FAM227A: variants seen among roughly 807,000 people sequenced by gnomAD.
FAM227A encodes family with sequence similarity 227 member A.
FAM227A carries 80 observed loss-of-function variants against 74.7 expected under a neutral mutation model. That is an observed-to-expected ratio of 1.07 (90% CI 0.89 to 1.29). The LOEUF (loss-of-function observed/expected upper bound fraction) is 1.29, where lower values mean the gene tolerates loss of function less well. Ranked by LOEUF, FAM227A falls within the 50% of genes most tolerant of loss-of-function variation. The pLI, the probability that FAM227A is intolerant of heterozygous loss-of-function variation, is 0.00. For missense variants in FAM227A, 654 were observed against 683.4 expected (o/e 0.96, Z 0.48); for synonymous variants, 237 against 241.8 (o/e 0.98, Z 0.19).
chr22:38,629,152 G>A, intron 6 of FAM227A: 1 of 478,474 alleles, frequency 2.1e-6, no homozygotes, highest in South Asian at 2.7e-5. Flanking sequence ...AGTGGCAAGT[G>A]GCTGAGCCAG....
intron 2 of FAM227A, among the ~76,000 whole-genome samples, chr22:38,648,566 C>T (rs1249936298): frequency 1.3e-5 from 2 of 151,130 alleles, no homozygotes; most frequent in Admixed American, 6.6e-5. Flanking sequence ...GAGATCATGC[C>T]ACTGCACTCC....
At position 38,614,373 on chromosome 22, in the gene FAM227A, TGG is replaced by T. The variant is rs372343918; in HGVS notation, c.1038+5837_1038+5838del. Among the ~76,000 whole-genome samples, 181 of 152,274 alleles carry T rather than the reference TGG, an allele frequency of 1.2e-3. 1 individual carries two copies. Among genetic ancestry groups the T allele is most frequent in the African/African-American group, 4.1e-3 (170 of 41,562 alleles). On this transcript the variant is annotated intron_variant, in intron 11 of 16. Transcript: ENST00000535113. Reference sequence around the variant, plus strand: ...ATAGGTGGGTGTCCTAATTTATAGCTGGGTCTCATAGCAGAAGCCAGCTCTGT... The same window carrying T: ...ATAGGTGGGTGTCCTAATTTATAGCTGTCTCATAGCAGAAGCCAGCTCTGT...
At chr22:38,651,170 C>T (rs575936713) in intron 1 of FAM227A, among the ~76,000 whole-genome samples, 13 of 152,232 alleles carry the variant, frequency 8.5e-5, no homozygotes, top group African/African-American at 1.7e-4. Flanking sequence ...TGTTGGACTA[C>T]GCCCAGGTGA....
intron 11 of FAM227A, among the ~76,000 whole-genome samples, chr22:38,613,385 TTA>T (rs1555960290): frequency 4.5e-5 from 2 of 44,776 alleles, no homozygotes; most frequent in Non-Finnish European, 7.4e-5. Flanking sequence ...ATAACATATA[TTA>T]TATAATATAT....
intron 1 of FAM227A, among the ~76,000 whole-genome samples, chr22:38,654,195 A>G (rs1350493063): frequency 1.3e-5 from 2 of 151,844 alleles, no homozygotes; most frequent in Admixed American, 1.3e-4. Flanking sequence ...AAAAATACAA[A>G]AAACTAGCCG....
At position 38,578,250 on chromosome 22, in the gene FAM227A, C is replaced by T. The variant is rs1166779025; in HGVS notation, c.*7875G>A. 5.9e-5 allele frequency: 9 copies of T among 152,154 alleles called. No individual in the cohort carries two copies. Among genetic ancestry groups the T allele is most frequent in the African/African-American group, 2.4e-5 (1 of 41,420 alleles). 9.4% of individuals were successfully genotyped at this position (152,154 alleles called of 1,614,324 possible). A position where few individuals can be genotyped will look rare whatever the true frequency, so the allele number is the denominator to read the frequency against. On this transcript the variant is annotated 3_prime_UTR_variant, in exon 17 of 17. Coordinates refer to ENST00000535113, the MANE Select transcript of FAM227A (RefSeq NM_001013647.2). ...ACGTGACTAATGCGTTACGCTATGA[C>T]ATTACGAAGGCTAAGAGTCGCTAGG...
Position 38,620,210 on chromosome 22 carries a change from A to G in FAM227A, c.1038+2T>C, listed in dbSNP as rs994839541. The G allele has an allele frequency of 1.1e-5, 17 of 1,550,008 alleles. No homozygotes were observed. The African/African-American group carries it at 2.3e-4, about 21-fold the overall frequency. On this transcript the variant is annotated splice_donor_variant, in intron 11 of 16. Coordinates refer to ENST00000535113, the MANE Select transcript of FAM227A (RefSeq NM_001013647.2). LOFTEE classifies it high-confidence loss of function. ...GGTCCTGGTCCGTGCCTCCCCACTT[A>G]CCTGAGGGTGGTAGAATTTCCTGCT... is the stretch of plus-strand genomic sequence containing the variant.
chr22:38,595,349 TC>T (rs1412242281), intron 15 of FAM227A, among the ~76,000 whole-genome samples: 2 of 152,120 alleles, frequency 1.3e-5, no homozygotes, highest in African/African-American at 4.8e-5. Flanking sequence ...TTCCCATGCT[TC>T]CCTTGCAGAC....
At chr22:38,654,332 A>G (rs1569248713) in intron 1 of FAM227A, among the ~76,000 whole-genome samples, 1 of 151,726 alleles carries the variant, frequency 6.6e-6, no homozygotes, top group Non-Finnish European at 1.5e-5. Flanking sequence ...GGGCAACAAG[A>G]GCAAAACTCG....
At position 38,604,402 on chromosome 22, in the gene FAM227A, C is replaced by T. The variant is rs567585487; in HGVS notation, c.1221+852G>A. ...CCAAATTCTATGGCCGACTCCCTTG[C>T]TAGCTGGTGCCTGGGGAAGCTCCCA... is the stretch of plus-strand genomic sequence containing the variant. On this transcript the variant is annotated intron_variant, in intron 13 of 16. Transcript: ENST00000535113. 4.6e-5 allele frequency among the ~76,000 whole-genome samples: 7 copies of T among 152,296 alleles called. No homozygotes were observed. The East Asian group carries it at 9.6e-4, about 21-fold the overall frequency.
intron 1 of FAM227A, among the ~76,000 whole-genome samples, chr22:38,650,860 G>C (rs751559223): frequency 6.6e-6 from 1 of 152,142 alleles, no homozygotes; most frequent in Non-Finnish European, 1.5e-5. Flanking sequence ...ACTTCCATCT[G>C]TGGGCCCTCT....
rs1391578160 is a variant in FAM227A at position 38,582,610 on chromosome 22, C to T, written c.*3515G>A. The T allele has an allele frequency of 4.1e-6, 3 of 726,900 alleles. No homozygotes were observed. The highest frequency in any genetic ancestry group is 6.7e-6 in the Non-Finnish European group (3 of 450,852). 45.0% of individuals were successfully genotyped at this position (726,900 alleles called of 1,614,324 possible). On this transcript the variant is annotated 3_prime_UTR_variant, in exon 17 of 17. Coordinates refer to ENST00000535113, the MANE Select transcript of FAM227A (RefSeq NM_001013647.2). ...TATTTAACATCCTGAGAGGCTACAA[C>T]TCTGAGTCCTCAGTCATTTCTGGAA...
intron 11 of FAM227A, among the ~76,000 whole-genome samples, chr22:38,613,786 C>T (rs147404303): frequency 9.5e-4 from 145 of 152,188 alleles, no homozygotes; most frequent in African/African-American, 2.9e-3. Flanking sequence ...TCATATTTAA[C>T]GCCCACATTG....
chr22:38,594,193 C>T (rs1213127514), intron 15 of FAM227A, among the ~76,000 whole-genome samples: 5 of 152,144 alleles, frequency 3.3e-5, no homozygotes, highest in African/African-American at 9.7e-5. Context: ...CTCTGCCCCA[C>T]GTTTTGGAGT....
chr22:38,641,178 T>C (rs932029850), intron 3 of FAM227A, among the ~76,000 whole-genome samples: 2 of 152,044 alleles, frequency 1.3e-5, no homozygotes, highest in Admixed American at 1.3e-4. Flanking sequence ...GGGGGAAAGA[T>C]GGTAAGACCA....
At chr22:38,623,964 G>A (rs957565450) in intron 9 of FAM227A, among the ~76,000 whole-genome samples, 1 of 152,162 alleles carries the variant, frequency 6.6e-6, no homozygotes, top group African/African-American at 2.4e-5. Context: ...GTGGACAGGG[G>A]GTTTATTACT....
At chr22:38,608,038 G>C (rs967075102) in intron 11 of FAM227A, among the ~76,000 whole-genome samples, 15 of 151,538 alleles carry the variant, frequency 9.9e-5, no homozygotes, top group African/African-American at 2.7e-4. Flanking sequence ...GTTATAGAGA[G>C]GCAATAGAAG....
intron 13 of FAM227A, among the ~76,000 whole-genome samples, chr22:38,602,623 T>A (rs1469474888): frequency 6.6e-6 from 1 of 152,258 alleles, no homozygotes; most frequent in East Asian, 1.9e-4. Flanking sequence ...CTTTCTTTTA[T>A]AAAATGCTAC....
chr22:38,602,446 T>C (rs1364387452), intron 13 of FAM227A, among the ~76,000 whole-genome samples: 2 of 152,218 alleles, frequency 1.3e-5, no homozygotes, highest in East Asian at 1.9e-4. Flanking sequence ...AGGGAATTTA[T>C]AGATCATTTG....
Sources: allele counts gnomAD v4.1 joint callset (sites outside exome capture counted in the v4.1 genomes callset), GRCh38; gene constraint gnomAD v4.1.1; transcripts MANE v1.5; gene names NCBI Gene and HGNC (gene_info 2026-07-23, HGNC 2026-07-21).